DRC2: variants seen among roughly 807,000 people sequenced by gnomAD.
The protein encoded by DRC2 is coiled-coil domain containing 65.
chr12:48,915,750 C>T, the DRC2 span, among the ~76,000 whole-genome samples: 3 of 151,164 alleles, frequency 2.0e-5, no homozygotes, highest in Non-Finnish European at 2.9e-5. Flanking sequence ...CCTCACCTCC[C>T]GGATGGGGCG....
the DRC2 span, chr12:48,920,992 G>C: frequency 6.2e-7 from 1 of 1,613,664 alleles, no homozygotes; most frequent in East Asian, 2.2e-5. Flanking sequence ...AAGAAAAAGT[G>C]CTGCCTTTTT....
At chr12:48,906,489 G>C in the DRC2 span, among the ~76,000 whole-genome samples, 42 of 151,792 alleles carry the variant, frequency 2.8e-4, no homozygotes, top group East Asian at 8.0e-3. Context: ...TCTTCATGTC[G>C]GTTAGGCTGG....
the DRC2 span, chr12:48,904,540 CTCATTT>C: frequency 2.5e-5 from 38 of 1,537,924 alleles, no homozygotes; most frequent in South Asian, 4.7e-4. Flanking sequence ...CTGAGGAAAC[CTCATTT>C]TCATCCTGAC....
the DRC2 span, among the ~76,000 whole-genome samples, chr12:48,909,873 C>T: frequency 6.6e-6 from 1 of 151,734 alleles, no homozygotes; most frequent in Admixed American, 6.6e-5. Flanking sequence ...CTCCACCTCC[C>T]AGGTTTAAGT....
the DRC2 span, chr12:48,921,505 C>T: frequency 2.6e-6 from 4 of 1,512,778 alleles, no homozygotes; most frequent in African/African-American, 2.8e-5. Context: ...AAAAATCTTT[C>T]AACTCCTAGA....
At chr12:48,909,474 AT>A in the DRC2 span, among the ~76,000 whole-genome samples, 2 of 151,260 alleles carry the variant, frequency 1.3e-5, no homozygotes, top group Admixed American at 1.3e-4. Context: ...TATTATTTTT[AT>A]TTTTATTTAT....
At chr12:48,919,661 G>A in the DRC2 span, among the ~76,000 whole-genome samples, 1 of 151,942 alleles carries the variant, frequency 6.6e-6, no homozygotes, top group African/African-American at 2.4e-5. Context: ...GGAATTACAG[G>A]TGCGCACCAC....
chr12:48,908,171 C>A, the DRC2 span, among the ~76,000 whole-genome samples: 9 of 152,032 alleles, frequency 5.9e-5, no homozygotes, highest in South Asian at 2.1e-4. Flanking sequence ...TCCCACCTCA[C>A]CCTCTGGAGT....
At chr12:48,917,052 T>A in the DRC2 span, 1 of 1,614,132 alleles carries the variant, frequency 6.2e-7, no homozygotes, top group East Asian at 2.2e-5. Flanking sequence ...CTATATAGAT[T>A]CTGAGTATGA....
the DRC2 span, among the ~76,000 whole-genome samples, chr12:48,910,011 C>T: frequency 6.6e-6 from 1 of 151,642 alleles, no homozygotes; most frequent in South Asian, 2.1e-4. Context: ...AACTCCTGAC[C>T]TCAGGTGATC....
the DRC2 span, among the ~76,000 whole-genome samples, chr12:48,920,549 TCTCG>T: frequency 7.6e-6 from 1 of 131,892 alleles, no homozygotes; most frequent in Non-Finnish European, 1.6e-5. Flanking sequence ...TGAGACAGGG[TCTCG>T]CTCAGTTGCC....
chr12:48,916,000 T>C, the DRC2 span, among the ~76,000 whole-genome samples: 4 of 104,510 alleles, frequency 3.8e-5, no homozygotes, highest in Non-Finnish European at 5.8e-5. Context: ...TCCCAGACGA[T>C]GGGCGGCCGG....
At chr12:48,904,677 T>C in the DRC2 span, among the ~76,000 whole-genome samples, 3 of 152,192 alleles carry the variant, frequency 2.0e-5, no homozygotes, top group African/African-American at 2.4e-5. Flanking sequence ...CTTGGCAATC[T>C]TTACTGAATC....
the DRC2 span, chr12:48,905,226 GC>G: frequency 1.8e-5 from 17 of 955,738 alleles, no homozygotes; most frequent in African/African-American, 2.6e-4. Context: ...AGAAAGCCAG[GC>G]TATTGGTAAT....
chr12:48,917,884 AC>A, the DRC2 span, among the ~76,000 whole-genome samples: 1 of 152,226 alleles, frequency 6.6e-6, no homozygotes, highest in Admixed American at 6.5e-5. Flanking sequence ...GTTTTTATTT[AC>A]CCCACAGTGT....
At chr12:48,914,458 A>G in the DRC2 span, 2 of 1,614,174 alleles carry the variant, frequency 1.2e-6, no homozygotes, top group Non-Finnish European at 1.7e-6. Flanking sequence ...TGCCCTGCGC[A>G]GCCACTTGCA....
the DRC2 span, among the ~76,000 whole-genome samples, chr12:48,914,869 G>C: frequency 3.4e-5 from 5 of 145,160 alleles, no homozygotes; most frequent in East Asian, 9.9e-4. Flanking sequence ...ATTTTGTTTT[G>C]TTTTTTCAAG....
the DRC2 span, among the ~76,000 whole-genome samples, chr12:48,909,803 C>T: frequency 4.5e-5 from 6 of 133,096 alleles, no homozygotes; most frequent in East Asian, 2.3e-4. Flanking sequence ...TTTCCCGAGA[C>T]GGAGTCTCAC....
the DRC2 span, chr12:48,921,285 C>T: frequency 2.2e-5 from 35 of 1,614,052 alleles, no homozygotes; most frequent in African/African-American, 1.9e-4. Context: ...TGGGAAGCTG[C>T]GGGAGATGCT....
Sources: allele counts gnomAD v4.1 joint callset (sites outside exome capture counted in the v4.1 genomes callset), GRCh38; gene constraint gnomAD v4.1.1; transcripts MANE v1.5; gene names NCBI Gene and HGNC (gene_info 2026-07-23, HGNC 2026-07-21).